Variants in LTN1 observed in about 807,000 individuals in gnomAD.
The protein encoded by LTN1 is E3 ubiquitin-protein ligase listerin.
Under a neutral mutation model 201.2 loss-of-function variants are expected in LTN1, and 88 were observed. The ratio of observed to expected loss-of-function variants is 0.44; its 90% CI spans 0.37 to 0.52. The LOEUF is 0.52. LTN1 is among the 20% of genes least tolerant of loss of function. The probability of loss-of-function intolerance (pLI) is 0.00; values close to 1 mark genes in which losing one functional copy is unlikely to be tolerated. For missense variants in LTN1, 1,752 were observed against 2,038.7 expected (o/e 0.86, Z 2.71); for synonymous variants, 645 against 713.5 (o/e 0.90, Z 1.53).
In LTN1 at chr21:28,947,626, A is replaced by AT. The variant is rs1491553719; in HGVS notation, c.3345-21_3345-20insA. 6.6e-7 allele frequency: 1 copy of AT among 1,504,794 alleles called. No individual in the cohort carries two copies. The allele number at this position is 1,504,794 out of a possible 1,614,324, so 93.2% of individuals were successfully genotyped here. On this transcript the variant is annotated intron_variant, in intron 18 of 29. Transcript: ENST00000361371. ...AAAAAACTGTTTAAAGAAAAAAAAA[A>AT]CACAAGTTAGATTTCTTCCAAACAT...
chr21:28,950,789 C>T (rs965512643), intron 18 of LTN1, among the ~76,000 whole-genome samples: 1 of 152,204 alleles, frequency 6.6e-6, no homozygotes, highest in African/African-American at 2.4e-5. Flanking sequence ...GCTGGGATTA[C>T]AGGCATAAGC....
At chr21:28,944,774 A>C (rs1435938247) in intron 21 of LTN1, among the ~76,000 whole-genome samples, 178 bp from the exon 22 acceptor site, 4 of 152,238 alleles carry the variant, frequency 2.6e-5, no homozygotes, top group African/African-American at 9.6e-5. Context: ...TTTTCTTCAA[A>C]ATTAAATACC....
chr21:28,961,009 T>TA (rs2084474625), intron 11 of LTN1, among the ~76,000 whole-genome samples: 1 of 151,116 alleles, frequency 6.6e-6, no homozygotes, highest in African/African-American at 2.4e-5. Context: ...CCACCTACTT[T>TA]ATGGAGTCTC....
chr21:28,932,454 G>A lies in LTN1; in HGVS notation c.5070+16C>T. On this transcript the variant is annotated intron_variant, in intron 28 of 29. Coordinates refer to ENST00000361371, the MANE Select transcript of LTN1 (RefSeq NM_015565.3). ...TTTCCAAGTTTGTAAAGCCAAATGT[G>A]TAAACAGAAACTTACCTGATGGGTG... 1 of 1,606,506 alleles carries A rather than the reference G, an allele frequency of 6.2e-7. No individual in the cohort carries two copies. The highest frequency in any genetic ancestry group is 8.5e-7 in the Non-Finnish European group (1 of 1,176,602).
chr21:28,982,399 GT>G, intron 4 of LTN1, 31 bp from the exon 5 acceptor site: 2 of 1,562,276 alleles, frequency 1.3e-6, no homozygotes, highest in Non-Finnish European at 1.8e-6. Context: ...AAAGCCTTTG[GT>G]TTTACTGAAC....
At position 28,935,330 on chromosome 21, in the gene LTN1, C is replaced by A. The variant is rs750827420; in HGVS notation, c.4655-1G>T. On this transcript the variant is annotated splice_acceptor_variant, in intron 26 of 29. Coordinates refer to ENST00000361371, the MANE Select transcript of LTN1 (RefSeq NM_015565.3). LOFTEE classifies it high-confidence loss of function. Reference sequence around the variant, plus strand: ...ATGTGGTATGGAAGCATTGTTGTTTCTGAGGAAAAAACAAATTATTGATTA... The same window carrying A: ...ATGTGGTATGGAAGCATTGTTGTTTATGAGGAAAAAACAAATTATTGATTA... 1 of 1,600,754 alleles carries A rather than the reference C, an allele frequency of 6.2e-7. No individual in the cohort carries two copies. The highest frequency in any genetic ancestry group is 2.2e-5 in the East Asian group (1 of 44,692).
chr21:28,952,937 TAAATC>T (rs1398875143), intron 17 of LTN1, among the ~76,000 whole-genome samples: 1 of 152,192 alleles, frequency 6.6e-6, no homozygotes, highest in Non-Finnish European at 1.5e-5. Context: ...GAGTCACAGA[TAAATC>T]AAAACAACTT....
rs148552353 is a variant in LTN1, at chr21:28,973,306, C to T, written c.811-1862G>A. ...AGGTTGCAATGAGCCCAGATTGCAC[C>T]ACTGCACTCCAGCCTGGGTGACAAA... On this transcript the variant is annotated intron_variant, in intron 6 of 29. Coordinates refer to ENST00000361371, the MANE Select transcript of LTN1 (RefSeq NM_015565.3). Among the ~76,000 whole-genome samples the T allele has an allele frequency of 4.8e-3, 674 of 139,998 alleles. 4 individuals are homozygous for T. Among genetic ancestry groups the T allele is most frequent in the Non-Finnish European group, 7.5e-3 (495 of 66,346 alleles). 91.8% of individuals were successfully genotyped at this position (139,998 alleles called of 152,430 possible). A position where few individuals can be genotyped will look rare whatever the true frequency, so the allele number is the denominator to read the frequency against.
At chr21:28,965,842 AG>A (rs2084517229) in intron 11 of LTN1, 22 bp downstream of exon 11, 2 of 1,313,954 alleles carry the variant, frequency 1.5e-6, no homozygotes, top group East Asian at 2.4e-5. Context: ...AAAAAAAAAA[AG>A]AAAAAAAAAT....
In LTN1 at chr21:28,941,363, C is replaced by G; in HGVS notation, c.4339G>C (p.Asp1447His). The G allele has an allele frequency of 6.2e-7, 1 of 1,613,376 alleles. No individual in the cohort carries two copies. The highest frequency in any genetic ancestry group is 8.5e-7 in the Non-Finnish European group (1 of 1,179,798). Residue 1447 changes from aspartate to histidine, a missense_variant, in exon 25 of 30, where the codon GAC becomes CAC. Coordinates refer to ENST00000361371, the MANE Select transcript of LTN1 (RefSeq NM_015565.3). ...CACCCCAAAACATTTTCTAGTAAGT[C>G]CTCTTGAATGCTAAGAAGAGACATC... The part of the protein sequence containing the change: ...ALMSLLSIQE[D>H]LLENVLGCIP...
Position 28,958,455 on chromosome 21 carries a change from C to T in LTN1, c.2678G>A (p.Ser893Asn). 6.2e-7 allele frequency: 1 copy of T among 1,612,034 alleles called. No individual in the cohort carries two copies. Among genetic ancestry groups the T allele is most frequent in the African/African-American group, 1.3e-5 (1 of 74,854 alleles). ...VHQTDSSYKE[S>N]TFLHLSALWL... ...CAGAGCAGACAAATGTAGGAAGGTA[C>T]TCTCTTTATATGAACTGTCAGTTTG... is the stretch of plus-strand genomic sequence containing the variant. The change falls in exon 14 of 30, where the codon AGT (serine) becomes AAT (asparagine). Residue 893 changes from serine to asparagine, a missense_variant. Ser to Asn is a conservative substitution (Grantham distance 46). This residue lies in a region of LTN1 where 1,211 missense variants were observed against 1,312.8 expected (regional missense o/e 0.92). Transcript: ENST00000361371.
chr21:28,989,422 C>T (rs2084727644), intron 1 of LTN1, among the ~76,000 whole-genome samples: 1 of 151,718 alleles, frequency 6.6e-6, no homozygotes, highest in Admixed American at 6.6e-5. Flanking sequence ...AAGTGCTATA[C>T]CCATAGTTCA....
chr21:28,987,017 G>C lies in LTN1; in HGVS notation c.43-83C>G, dbSNP rs924678146. 6 of 827,840 alleles carry C rather than the reference G, an allele frequency of 7.2e-6. No individual in the cohort carries two copies. The African/African-American group carries it at 1.0e-4, about 14-fold the overall frequency. 51.3% of individuals were successfully genotyped at this position (827,840 alleles called of 1,614,324 possible). On this transcript the variant is annotated intron_variant, in intron 1 of 29. Transcript: ENST00000361371. ...TTTATAATTCCTTGGCTATTCCCATGGTCAGAATGAGCTTTTATTTTATTT... is the reference window on the plus strand; with the variant it reads ...TTTATAATTCCTTGGCTATTCCCATCGTCAGAATGAGCTTTTATTTTATTT...
intron 11 of LTN1, chr21:28,964,887 G>T (rs1488636587): frequency 3.0e-6 from 4 of 1,327,430 alleles, no homozygotes; most frequent in Non-Finnish European, 3.9e-6. Flanking sequence ...TGGCTACAGG[G>T]AGAGAAGGCA....
In LTN1 at chr21:28,966,797, C is replaced by G; in HGVS notation, c.1694G>C (p.Gly565Ala). 6.2e-7 allele frequency: 1 copy of G among 1,613,372 alleles called. No homozygotes were observed. The highest frequency in any genetic ancestry group is 2.2e-5 in the East Asian group (1 of 44,876). ...CVSSEGEKIE[G>A]WELTTEPSLT... is the part of the protein sequence containing the mutation. Reference sequence around the variant, plus strand: ...AGAAGGTTCAGTTGTTAATTCCCAGCCTTCAATCTTCTCTCCTTCTGAAGA... The same window carrying G: ...AGAAGGTTCAGTTGTTAATTCCCAGGCTTCAATCTTCTCTCCTTCTGAAGA... Residue 565 changes from glycine to alanine, a missense_variant, in exon 10 of 30, where the codon GGC (glycine) becomes GCC (alanine). Coordinates refer to ENST00000361371, the MANE Select transcript of LTN1 (RefSeq NM_015565.3).
chr21:28,947,803 C>A (rs1451716925), intron 18 of LTN1, among the ~76,000 whole-genome samples, 197 bp from the exon 19 acceptor site: 2 of 150,816 alleles, frequency 1.3e-5, no homozygotes, highest in South Asian at 2.1e-4. Context: ...CTCTTTTCTG[C>A]ATAAATTTTT....
intron 13 of LTN1, 195 bp downstream of exon 13, chr21:28,959,263 T>C (rs995577641): frequency 5.4e-6 from 3 of 552,676 alleles, no homozygotes; most frequent in Admixed American, 3.3e-5. Context: ...AAGTGAGATC[T>C]TTAGAAATAA....
rs1179534755 is a variant in LTN1, at chr21:28,931,270, C to T, written c.5123G>A (p.Arg1708His). Residue 1708 changes from arginine to histidine, a missense_variant, in exon 29 of 30, where the codon CGT (arginine) becomes CAT (histidine). Arg to His is a conservative substitution (Grantham distance 29). Coordinates refer to ENST00000361371, the MANE Select transcript of LTN1 (RefSeq NM_015565.3). Reference protein sequence around the residue: ...LALWKNNVDKRFEGVEDCMIC... With the variant: ...LALWKNNVDKHFEGVEDCMIC... ...CATGCAATCTTCAACACCCTCAAAACGTTTGTCTACGTTATTTTTCCATAA... is the reference window on the plus strand; with the variant it reads ...CATGCAATCTTCAACACCCTCAAAATGTTTGTCTACGTTATTTTTCCATAA... 9 of 1,612,736 alleles carry T rather than the reference C, an allele frequency of 5.6e-6. No homozygotes were observed. The highest frequency in any genetic ancestry group is 2.2e-5 in the East Asian group (1 of 44,794).
In LTN1 at chr21:28,928,244, T is replaced by C. The variant is rs892590843; in HGVS notation, c.*2204A>G. 3 of 152,642 alleles carry C rather than the reference T, an allele frequency of 2.0e-5. No homozygotes were observed. The highest frequency in any genetic ancestry group is 4.4e-5 in the Non-Finnish European group (3 of 68,042). 9.5% of individuals were successfully genotyped at this position (152,642 alleles called of 1,614,324 possible). A position where few individuals can be genotyped will look rare whatever the true frequency, so the allele number is the denominator to read the frequency against. On this transcript the variant is annotated 3_prime_UTR_variant, in exon 30 of 30. Transcript: ENST00000361371. ...AAGGGCATTTATATTATTATTTTTC[T>C]GCATATTTGAAATATTTTTAATTAA...
Sources: allele counts gnomAD v4.1 joint callset (sites outside exome capture counted in the v4.1 genomes callset), GRCh38; gene constraint gnomAD v4.1.1; regional missense constraint gnomAD v4.1.1; transcripts MANE v1.5; gene names NCBI Gene and HGNC (gene_info 2026-07-23, HGNC 2026-07-21).